DLG2: variants seen among roughly 807,000 people sequenced by gnomAD.
DLG2 encodes discs large MAGUK scaffold protein 2.
Under a neutral mutation model 132.5 loss-of-function variants are expected in DLG2, and 45 were observed. The ratio of observed to expected loss-of-function variants is 0.34; its 90% CI spans 0.27 to 0.44. The LOEUF is 0.44. Among genes scored for constraint, DLG2 ranks in the 20% least tolerant of loss-of-function variants. The pLI is 1.00. For missense variants in DLG2, 1,045 were observed against 1,196.9 expected (o/e 0.87, Z 1.87); for synonymous variants, 424 against 419.6 (o/e 1.01, Z -0.13).
chr11:85,335,959 G>A (rs920240394), intron 3 of DLG2: 1 of 152,002 alleles, frequency 6.6e-6, no homozygotes, highest in Non-Finnish European at 1.5e-5. Flanking sequence ...AAAAATTCTT[G>A]GTTGAAATAT....
chr11:84,316,868 C>T lies in DLG2; in HGVS notation c.520-65577G>A, dbSNP rs1222228014. 5.0e-6 allele frequency: 8 copies of T among 1,612,698 alleles called. No individual in the cohort carries two copies. The Admixed American group carries it at 1.2e-4, about 24-fold the overall frequency. ...ACCATGTGGGCAGGTACAATGCTCC[C>T]CACAAGTCCCTTTGCCCTTGGTGCT... On this transcript the variant is annotated intron_variant, in intron 7 of 27. Coordinates refer to ENST00000376104, the MANE Select transcript of DLG2 (RefSeq NM_001142699.3).
chr11:84,721,146 A>T (rs910904886), intron 6 of DLG2, among the ~76,000 whole-genome samples: 2 of 151,966 alleles, frequency 1.3e-5, no homozygotes. Context: ...ACTTCCCGGG[A>T]AGGGGAGGCC....
At chr11:85,134,319 G>T (rs1174682957) in intron 5 of DLG2, among the ~76,000 whole-genome samples, 2 of 149,894 alleles carry the variant, frequency 1.3e-5, no homozygotes, top group African/African-American at 4.9e-5. Flanking sequence ...CACGAGGTCA[G>T]GAGATCGAGA....
chr11:85,368,963 G>T, intron 3 of DLG2, among the ~76,000 whole-genome samples: 1 of 152,190 alleles, frequency 6.6e-6, no homozygotes, highest in East Asian at 1.9e-4. Context: ...AAGAGTCCCT[G>T]ATTCCCCAGA....
chr11:83,707,557 G>A (rs1275174639), intron 18 of DLG2, among the ~76,000 whole-genome samples: 1 of 152,180 alleles, frequency 6.6e-6, no homozygotes, highest in Non-Finnish European at 1.5e-5. Context: ...TGTACTCCCA[G>A]CTACTCATGA....
At chr11:84,713,943 C>T (rs1191383249) in intron 6 of DLG2, among the ~76,000 whole-genome samples, 1 of 151,828 alleles carries the variant, frequency 6.6e-6, no homozygotes, top group Non-Finnish European at 1.5e-5. Flanking sequence ...TTCACAAAGC[C>T]TAATATAAAT....
rs181983633 is a variant in DLG2 at position 84,156,290 on chromosome 11, G to A, written c.624+7171C>T. Among the ~76,000 whole-genome samples the A allele has an allele frequency of 1.8e-4, 28 of 152,162 alleles. No homozygotes were observed. In the East Asian group the frequency reaches 2.9e-3, roughly 16 times the overall value. On this transcript the variant is annotated intron_variant, in intron 9 of 27. Transcript: ENST00000376104. Reference sequence around the variant, plus strand: ...AGCTAAGTCAAGTCCATGTCTTTGCGTACTCTGAGTAATTTATACATTTTC... The same window carrying A: ...AGCTAAGTCAAGTCCATGTCTTTGCATACTCTGAGTAATTTATACATTTTC...
intron 16 of DLG2, among the ~76,000 whole-genome samples, chr11:83,847,531 C>A (rs999850927): frequency 3.3e-5 from 5 of 152,062 alleles, no homozygotes; most frequent in Admixed American, 1.3e-4. Flanking sequence ...TTGGATATAT[C>A]CATATTATTG....
At chr11:84,622,184 AG>A (rs1363364273) in intron 6 of DLG2, among the ~76,000 whole-genome samples, 2 of 152,218 alleles carry the variant, frequency 1.3e-5, no homozygotes, top group Non-Finnish European at 2.9e-5. Flanking sequence ...TTAAGGGAAT[AG>A]AAAGTGTCTT....
intron 10 of DLG2, among the ~76,000 whole-genome samples, chr11:84,093,758 G>A (rs1354467961): frequency 6.6e-6 from 1 of 151,904 alleles, no homozygotes; most frequent in African/African-American, 2.4e-5. Flanking sequence ...GGGATTACAG[G>A]CGCCCACCAC....
At chr11:85,167,486 C>A (rs1445642490) in intron 4 of DLG2, among the ~76,000 whole-genome samples, 1 of 152,040 alleles carries the variant, frequency 6.6e-6, no homozygotes, top group Non-Finnish European at 1.5e-5. Context: ...TTCCCGTCAC[C>A]CTGAAGCAAG....
chr11:84,912,096 T>C (rs1043054914), intron 6 of DLG2, among the ~76,000 whole-genome samples: 1 of 152,204 alleles, frequency 6.6e-6, no homozygotes, highest in Non-Finnish European at 1.5e-5. Context: ...CCACCAAATT[T>C]AAAGCTAACC....
chr11:85,331,193 C>T (rs148139426), intron 3 of DLG2, among the ~76,000 whole-genome samples: 2 of 152,198 alleles, frequency 1.3e-5, no homozygotes, highest in South Asian at 2.1e-4. Flanking sequence ...GGCCTATGGA[C>T]ATGTGGCATG....
At chr11:83,970,476 T>C (rs1476304373) in intron 12 of DLG2, among the ~76,000 whole-genome samples, 1 of 152,200 alleles carries the variant, frequency 6.6e-6, no homozygotes, top group Non-Finnish European at 1.5e-5. Context: ...GACTGAAATA[T>C]TGAAAAATTT....
At chr11:84,477,230 C>T (rs1394774268) in intron 7 of DLG2, among the ~76,000 whole-genome samples, 1 of 152,040 alleles carries the variant, frequency 6.6e-6, no homozygotes, top group Non-Finnish European at 1.5e-5. Flanking sequence ...GGGAGTGACT[C>T]GTGCCTGTAA....
intron 7 of DLG2, among the ~76,000 whole-genome samples, chr11:84,285,985 A>G (rs1421247831): frequency 2.0e-5 from 3 of 152,194 alleles, no homozygotes; most frequent in Admixed American, 2.0e-4. Flanking sequence ...AAATTGAGGT[A>G]GAAGACACAC....
intron 6 of DLG2, among the ~76,000 whole-genome samples, chr11:84,993,692 T>C (rs1003895317): frequency 2.9e-5 from 2 of 69,592 alleles, no homozygotes; most frequent in Non-Finnish European, 4.8e-5. Context: ...CTTTAATCTT[T>C]ACCTCTAATG....
At chr11:84,926,853 A>G (rs1212414308) in intron 6 of DLG2, among the ~76,000 whole-genome samples, 1 of 152,038 alleles carries the variant, frequency 6.6e-6, no homozygotes. Context: ...AGGAGAAATA[A>G]GAATCTATCA....
chr11:84,023,745 T>C (rs1196244920), intron 11 of DLG2, among the ~76,000 whole-genome samples: 1 of 152,104 alleles, frequency 6.6e-6, no homozygotes, highest in Non-Finnish European at 1.5e-5. Flanking sequence ...ATGCATAAAA[T>C]ATAGGGATAT....
Sources: gnomAD v4.1 joint callset for allele counts (sites outside exome capture counted in the v4.1 genomes callset) on GRCh38, gnomAD v4.1.1 for gene constraint, MANE v1.5 for transcripts, NCBI Gene and HGNC (gene_info 2026-07-23, HGNC 2026-07-21) for gene names.